OSBPL9: variants seen among roughly 807,000 people sequenced by gnomAD.
The protein encoded by OSBPL9 is oxysterol-binding protein-related protein 9.
OSBPL9 carries 40 observed loss-of-function variants against 106.6 expected under a neutral mutation model. That is an observed-to-expected ratio of 0.38 (90% CI 0.29 to 0.49). The LOEUF (loss-of-function observed/expected upper bound fraction) is 0.49. OSBPL9 is among the 20% of genes least tolerant of loss of function. OSBPL9 has a pLI of 0.97. For missense variants in OSBPL9, 609 were observed against 887.2 expected (o/e 0.69, Z 3.98); for synonymous variants, 269 against 295.4 (o/e 0.91, Z 0.92).
At position 51,653,544 on chromosome 1, in the gene OSBPL9, C is replaced by T. The variant is rs556059007; in HGVS notation, c.162+1503C>T. On this transcript the variant is annotated intron_variant, in intron 2 of 23. Coordinates refer to ENST00000428468, the MANE Select transcript of OSBPL9 (RefSeq NM_024586.6). ...GTCAGCTATACCTGAAGCCTCTCCA[C>T]GTGCCCCAATTAAATAAATTACATC... 1.4e-3 allele frequency among the ~76,000 whole-genome samples: 208 copies of T among 152,338 alleles called. 1 individual carries two copies. The highest frequency in any genetic ancestry group is 5.4e-3 in the Admixed American group (83 of 15,298).
chr1:51,784,732 G>T (rs2149159532), intron 20 of OSBPL9, 150 bp downstream of exon 20: 1 of 911,864 alleles, frequency 1.1e-6, no homozygotes, highest in East Asian at 2.6e-5. Context: ...TTTTGCTGAA[G>T]TCCCATATCA....
At chr1:51,772,745 G>A in intron 14 of OSBPL9, 22 bp downstream of exon 14, 2 of 1,513,566 alleles carry the variant, frequency 1.3e-6, no homozygotes, top group Non-Finnish European at 1.8e-6. Flanking sequence ...TTTGCTGTAA[G>A]TCTGTGTGGG....
intron 8 of OSBPL9, among the ~76,000 whole-genome samples, chr1:51,755,060 G>A (rs1259900953): frequency 1.3e-5 from 2 of 152,044 alleles, no homozygotes; most frequent in African/African-American, 4.8e-5. Context: ...TCCGTCCTCG[G>A]CCTTCCAAAA....
chr1:51,538,649 G>A, the OSBPL9 span: 1 of 152,120 alleles, frequency 6.6e-6, no homozygotes, highest in South Asian at 2.1e-4. Context: ...CTTCACAGAT[G>A]TGTCATCCTT....
At chr1:51,770,286 C>T (rs1222485733) in intron 12 of OSBPL9, among the ~76,000 whole-genome samples, 1 of 152,084 alleles carries the variant, frequency 6.6e-6, no homozygotes, top group Non-Finnish European at 1.5e-5. Flanking sequence ...GGACTACAGG[C>T]GCATGCCACC....
the OSBPL9 span, among the ~76,000 whole-genome samples, chr1:51,533,089 C>G: frequency 6.5e-4 from 99 of 152,044 alleles, no homozygotes; most frequent in African/African-American, 2.3e-3. Flanking sequence ...TAACTGGAAG[C>G]AACCTCTAAA....
intron 9 of OSBPL9, 103 bp from the exon 10 acceptor site, chr1:51,760,587 T>C (rs1464463411): frequency 1.3e-6 from 2 of 1,537,526 alleles, no homozygotes; most frequent in Non-Finnish European, 8.8e-7. Flanking sequence ...CATATCTATA[T>C]AGCTACCCTC....
chr1:51,618,880 C>T (rs935802000), intron 1 of OSBPL9, among the ~76,000 whole-genome samples: 15 of 152,200 alleles, frequency 9.9e-5, no homozygotes, highest in African/African-American at 3.6e-4. Context: ...TACTAAACTT[C>T]GCTTTCACTA....
chr1:51,764,518 T>G (rs2149079377), intron 11 of OSBPL9, among the ~76,000 whole-genome samples: 1 of 152,264 alleles, frequency 6.6e-6, no homozygotes, highest in South Asian at 2.1e-4. Flanking sequence ...CTGATGTGCT[T>G]TTTTTCACAA....
At chr1:51,570,377 T>C in the OSBPL9 span, among the ~76,000 whole-genome samples, 1 of 152,242 alleles carries the variant, frequency 6.6e-6, no homozygotes, top group Non-Finnish European at 1.5e-5. Context: ...ATTTCACTTG[T>C]GCAGGATCAC....
At chr1:51,651,622 T>A (rs936230882) in intron 1 of OSBPL9, among the ~76,000 whole-genome samples, 9 of 151,332 alleles carry the variant, frequency 5.9e-5, no homozygotes, top group Non-Finnish European at 1.0e-4. Flanking sequence ...CAAAAAAAAA[T>A]AATTATCTGG....
chr1:51,519,401 CGCCT>C, the OSBPL9 span: 34 of 223,084 alleles, frequency 1.5e-4, no homozygotes, highest in South Asian at 6.6e-4. Flanking sequence ...TGGCCCCGCC[CGCCT>C]GCCCGCCCGC....
At chr1:51,540,632 C>T in the OSBPL9 span, among the ~76,000 whole-genome samples, 3 of 148,870 alleles carry the variant, frequency 2.0e-5, no homozygotes, top group African/African-American at 7.5e-5. Context: ...CCAGCCTGGC[C>T]GCAGAGCAAG....
chr1:51,607,273 T>C (rs1643955650), intron 2 of OSBPL9, among the ~76,000 whole-genome samples: 1 of 150,480 alleles, frequency 6.6e-6, no homozygotes, highest in African/African-American at 2.4e-5. Flanking sequence ...GTGATTCTCC[T>C]GCCTCATCCT....
intron 1 of OSBPL9, among the ~76,000 whole-genome samples, chr1:51,626,007 C>T (rs976891557): frequency 6.6e-6 from 1 of 152,028 alleles, no homozygotes; most frequent in Non-Finnish European, 1.5e-5. Flanking sequence ...AGTTTTGTTC[C>T]ATTGAGGCCC....
chr1:51,657,427 A>C (rs1481657792), intron 2 of OSBPL9, among the ~76,000 whole-genome samples: 1 of 152,212 alleles, frequency 6.6e-6, no homozygotes, highest in African/African-American at 2.4e-5. Flanking sequence ...GCAGATGAGG[A>C]GACTGAGACA....
chr1:51,650,344 T>G (rs1189972063), intron 1 of OSBPL9, among the ~76,000 whole-genome samples: 1 of 152,208 alleles, frequency 6.6e-6, no homozygotes, highest in Non-Finnish European at 1.5e-5. Flanking sequence ...AATTTTGCAT[T>G]CTAACCTCAT....
chr1:51,721,920 G>C (rs577321720), intron 4 of OSBPL9, among the ~76,000 whole-genome samples: 10 of 152,292 alleles, frequency 6.6e-5, no homozygotes, highest in Admixed American at 2.0e-4. Flanking sequence ...TATTTATTTG[G>C]TAAATATTTT....
chr1:51,763,195 G>A (rs2149075008), intron 11 of OSBPL9, among the ~76,000 whole-genome samples: 1 of 152,004 alleles, frequency 6.6e-6, no homozygotes, highest in South Asian at 2.1e-4. Flanking sequence ...TAGTAGAGAC[G>A]GCATTTCACT....
Sources: allele counts gnomAD v4.1 joint callset (sites outside exome capture counted in the v4.1 genomes callset), GRCh38; gene constraint gnomAD v4.1.1; transcripts MANE v1.5; gene names NCBI Gene and HGNC (gene_info 2026-07-23, HGNC 2026-07-21).